GSE1: variants seen among roughly 807,000 people sequenced by gnomAD.
GSE1 encodes genetic suppressor element 1.
A neutral mutation model predicts 112.6 loss-of-function variants in GSE1; 32 were observed. That is an observed-to-expected ratio of 0.28 (90% CI 0.21 to 0.38). GSE1 has a LOEUF of 0.38. Ranked by LOEUF, GSE1 falls within the 10% of genes least tolerant of loss-of-function variation. The probability of loss-of-function intolerance (pLI) is 1.00; values close to 1 mark genes in which losing one functional copy is unlikely to be tolerated. For missense variants in GSE1, 2,348 were observed against 1,699.2 expected (o/e 1.38, Z -6.71); for synonymous variants, 1,115 against 735.6 (o/e 1.52, Z -8.35).
intron 1 of GSE1, among the ~76,000 whole-genome samples, chr16:85,354,121 C>T (rs1315321370): frequency 6.6e-6 from 1 of 152,204 alleles, no homozygotes; most frequent in Non-Finnish European, 1.5e-5. Flanking sequence ...TTTCCTCAGA[C>T]CTTGGGGACC....
intron 1 of GSE1, among the ~76,000 whole-genome samples, chr16:85,233,308 G>A (rs1241874946): frequency 6.6e-6 from 1 of 152,240 alleles, no homozygotes; most frequent in Non-Finnish European, 1.5e-5. Flanking sequence ...TTTGCGTGGG[G>A]TGAACAGCCC....
chr16:85,636,534 C>T (rs1018862945), intron 2 of GSE1, among the ~76,000 whole-genome samples: 2 of 152,218 alleles, frequency 1.3e-5, no homozygotes, highest in African/African-American at 2.4e-5. Context: ...TCACCCGGAC[C>T]CTGACCTCAC....
At chr16:85,420,384 T>G (rs1392470786) in intron 2 of GSE1, among the ~76,000 whole-genome samples, 1 of 152,026 alleles carries the variant, frequency 6.6e-6, no homozygotes, top group Admixed American at 6.5e-5. Flanking sequence ...GCCACGCAGT[T>G]TGTAGCTCTG....
intron 2 of GSE1, among the ~76,000 whole-genome samples, chr16:85,444,675 T>TGCACACGTGCACACAC (rs368582663): frequency 1.8e-3 from 277 of 152,194 alleles, no homozygotes; most frequent in African/African-American, 6.2e-3. Flanking sequence ...TGTGCACACA[T>TGCACACGTGCACACAC]GCACACGTGC....
At chr16:85,357,351 A>T in intron 1 of GSE1, 1 of 658,196 alleles carries the variant, frequency 1.5e-6, no homozygotes, top group Non-Finnish European at 2.1e-6. Flanking sequence ...CCTGATCACC[A>T]AGGCCAGGCC....
rs1235853897 is a variant in GSE1, at chr16:85,170,895, C to T, written c.1371C>T (p.Pro457=). The change falls in exon 1 of 3, where the codon CCC becomes CCT. Residue 457 remains proline (P), a synonymous_variant. Coordinates refer to the GSE1 transcript ENST00000637419. ...TGGTGCCCCTGGACAGCCACGCCCCCGGCATGGCCTCTAAGGGCAGGAGGC... is the reference window on the plus strand; with the variant it reads ...TGGTGCCCCTGGACAGCCACGCCCCTGGCATGGCCTCTAAGGGCAGGAGGC... 8 of 985,570 alleles carry T rather than the reference C, an allele frequency of 8.1e-6. No individual in the cohort carries two copies. In the South Asian group the frequency reaches 2.8e-4, roughly 35 times the overall value. 61.1% of individuals were successfully genotyped at this position (985,570 alleles called of 1,614,324 possible).
At chr16:85,648,527 C>G (rs1244988049) in intron 2 of GSE1, 25 bp from the exon 3 acceptor site, 3 of 1,365,980 alleles carry the variant, frequency 2.2e-6, no homozygotes, top group South Asian at 2.8e-5. Context: ...GGCTCCCACT[C>G]AGGCCACCGT....
chr16:85,536,962 G>C (rs1484761373), intron 2 of GSE1, among the ~76,000 whole-genome samples: 5 of 152,202 alleles, frequency 3.3e-5, no homozygotes, highest in African/African-American at 1.2e-4. Context: ...AGAAAGAGCA[G>C]GACGCCTGAC....
intron 4 of GSE1, among the ~76,000 whole-genome samples, 157 bp from the exon 5 acceptor site, chr16:85,654,637 G>A (rs936655006): frequency 6.6e-6 from 1 of 152,116 alleles, no homozygotes; most frequent in Non-Finnish European, 1.5e-5. Context: ...GTGGCAGCTC[G>A]CTCCCCCCGC....
chr16:85,555,626 C>A, upstream of GSE1: 1 of 920,444 alleles, frequency 1.1e-6, no homozygotes, highest in Non-Finnish European at 1.3e-6. Context: ...TAAGGGGAAA[C>A]AAAACAAAGC....
chr16:85,642,111 A>G (rs866330871), intron 2 of GSE1, among the ~76,000 whole-genome samples: 1 of 152,374 alleles, frequency 6.6e-6, no homozygotes, highest in South Asian at 2.1e-4. Context: ...CACGTGGCAC[A>G]CTGAGTCTCC....
chr16:85,518,524 C>G (rs1299655090), intron 2 of GSE1, among the ~76,000 whole-genome samples: 1 of 152,046 alleles, frequency 6.6e-6, no homozygotes, highest in Non-Finnish European at 1.5e-5. Flanking sequence ...AAGGGGCCTT[C>G]AGGGTGGGTC....
At chr16:85,264,843 C>G (rs535362390) in intron 1 of GSE1, among the ~76,000 whole-genome samples, 2 of 152,244 alleles carry the variant, frequency 1.3e-5, no homozygotes, top group African/African-American at 4.8e-5. Context: ...GGGGGTTGGG[C>G]TGAGTCCTCG....
chr16:85,187,065 G>A (rs993712619), intron 1 of GSE1, among the ~76,000 whole-genome samples: 19 of 152,324 alleles, frequency 1.2e-4, no homozygotes, highest in African/African-American at 4.6e-4. Flanking sequence ...GCCACGCTTG[G>A]TGTCTCTGGG....
At chr16:85,596,348 G>A (rs1377223400) in intron 1 of GSE1, among the ~76,000 whole-genome samples, 1 of 152,162 alleles carries the variant, frequency 6.6e-6, no homozygotes, top group Non-Finnish European at 1.5e-5. Context: ...TCAGACTTCT[G>A]TGACGCTTCT....
intron 1 of GSE1, among the ~76,000 whole-genome samples, chr16:85,626,790 G>T (rs778310916): frequency 6.6e-6 from 1 of 152,098 alleles, no homozygotes; most frequent in Non-Finnish European, 1.5e-5. Context: ...CCGGGAGGGC[G>T]GCTGGCACGC....
At chr16:85,478,319 G>A (rs1476274505) in intron 2 of GSE1, among the ~76,000 whole-genome samples, 3 of 152,014 alleles carry the variant, frequency 2.0e-5, no homozygotes, top group Admixed American at 6.6e-5. Flanking sequence ...TTGAGACCAG[G>A]AGTTCAAGAC....
At chr16:85,283,920 G>T (rs776494271) in intron 1 of GSE1, among the ~76,000 whole-genome samples, 2 of 152,120 alleles carry the variant, frequency 1.3e-5, no homozygotes, top group Admixed American at 6.5e-5. Context: ...GCTTTTATCC[G>T]CTCCACCACG....
chr16:85,641,709 G>T (rs1032146728), intron 2 of GSE1, among the ~76,000 whole-genome samples: 22 of 152,238 alleles, frequency 1.4e-4, no homozygotes, highest in Admixed American at 5.9e-4. Flanking sequence ...CCCAGTGGGT[G>T]GGGGGCTGAT....
Sources: gnomAD v4.1 joint callset for allele counts (sites outside exome capture counted in the v4.1 genomes callset) on GRCh38, gnomAD v4.1.1 for gene constraint, MANE v1.5 for transcripts, NCBI Gene and HGNC (gene_info 2026-07-23, HGNC 2026-07-21) for gene names.